The following KIF26B variants were observed in gnomAD, a reference collection of about 807,000 sequenced individuals.
The protein encoded by KIF26B is kinesin family member 26B.
Under a neutral mutation model 151.2 loss-of-function variants are expected in KIF26B, and 63 were observed. The ratio of observed to expected loss-of-function variants is 0.42; its 90% CI spans 0.34 to 0.51. The LOEUF is 0.51. KIF26B is among the 20% of genes least tolerant of loss of function. The probability of loss-of-function intolerance (pLI) is 0.07; values close to 1 mark genes in which losing one functional copy is unlikely to be tolerated. For missense variants in KIF26B, 2,813 were observed against 2,913.6 expected (o/e 0.97, Z 0.79); for synonymous variants, 1,357 against 1,262.1 (o/e 1.08, Z -1.59).
chr1:245,677,558 C>G (rs2044371553), intron 10 of KIF26B, among the ~76,000 whole-genome samples: 1 of 152,250 alleles, frequency 6.6e-6, no homozygotes, highest in Non-Finnish European at 1.5e-5. Context: ...TCAGCCCATA[C>G]CAAGCTTCTG....
chr1:245,575,940 G>A (rs12080992), intron 5 of KIF26B, among the ~76,000 whole-genome samples: 13,588 of 151,910 alleles, frequency 0.089, 710 homozygotes, highest in African/African-American at 0.13. Flanking sequence ...ATGCTTCCCG[G>A]GGGTGTTTCA....
chr1:245,169,328 G>GGTGTGTGGGTGTGTGTGTGTGT (rs56332945), intron 2 of KIF26B, among the ~76,000 whole-genome samples: 4 of 134,174 alleles, frequency 3.0e-5, no homozygotes, highest in Admixed American at 7.5e-5. Flanking sequence ...AACGGGCCAT[G>GGTGTGTGGGTGTGTGTGTGTGT]GTGTGTGTGT....
At chr1:245,643,757 T>C (rs767649742) in intron 9 of KIF26B, among the ~76,000 whole-genome samples, 12 of 152,228 alleles carry the variant, frequency 7.9e-5, no homozygotes, top group Admixed American at 3.3e-4. Flanking sequence ...TGTTTTGGAA[T>C]GATACTTTTG....
intron 2 of KIF26B, among the ~76,000 whole-genome samples, chr1:245,256,005 A>C (rs371122497): frequency 6.6e-6 from 1 of 152,156 alleles, no homozygotes; most frequent in African/African-American, 2.4e-5. Flanking sequence ...ACTTAAAGCC[A>C]CTGTAAGGAA....
chr1:245,311,730 C>T (rs902796317), intron 2 of KIF26B, among the ~76,000 whole-genome samples: 5 of 152,224 alleles, frequency 3.3e-5, no homozygotes, highest in Admixed American at 1.3e-4. Flanking sequence ...GTCAGGAGTT[C>T]GAGACCAGCC....
intron 2 of KIF26B, among the ~76,000 whole-genome samples, chr1:245,305,936 C>CAAAAAAAAAAAAAAAAAAAAAA (rs55865379): frequency 1.2e-5 from 1 of 86,704 alleles, no homozygotes. Context: ...GACGACTCCT[C>CAAAAAAAAAAAAAAAAAAAAAA]AAAAAAAAAA....
At chr1:245,276,766 G>A (rs780836118) in intron 2 of KIF26B, among the ~76,000 whole-genome samples, 2 of 152,142 alleles carry the variant, frequency 1.3e-5, no homozygotes, top group Non-Finnish European at 2.9e-5. Context: ...ACTGGTTTCC[G>A]TATTTCTCAC....
intron 5 of KIF26B, among the ~76,000 whole-genome samples, chr1:245,565,465 T>A (rs1185032425): frequency 1.3e-5 from 2 of 152,054 alleles, no homozygotes; most frequent in Non-Finnish European, 2.9e-5. Flanking sequence ...ATTTTTCCTA[T>A]TTTTAGTAGA....
intron 2 of KIF26B, among the ~76,000 whole-genome samples, chr1:245,335,821 GA>G (rs1672213641): frequency 6.9e-6 from 1 of 145,114 alleles, no homozygotes; most frequent in South Asian, 2.2e-4. Flanking sequence ...AGGGAAAGAA[GA>G]GCCCCACGCG....
At chr1:245,208,548 C>T (rs139970770) in intron 2 of KIF26B, among the ~76,000 whole-genome samples, 44 of 152,276 alleles carry the variant, frequency 2.9e-4, no homozygotes, top group African/African-American at 7.7e-4. Context: ...GCCGTGGGTA[C>T]GTGCACAGAA....
Position 245,303,428 on chromosome 1 carries a change from G to T in KIF26B, c.466-63406G>T, listed in dbSNP as rs370813737. ...TTAGCCAGGATGGTCTCGATCTCCT[G>T]ACCTCGTGATCCGCCCGCCTCGGCC... On this transcript the variant is annotated intron_variant, in intron 2 of 14. Transcript: ENST00000407071. Among the ~76,000 whole-genome samples the T allele has an allele frequency of 6.6e-3, 990 of 150,756 alleles. 22 individuals are homozygous for T. The highest frequency in any genetic ancestry group is 0.023 in the African/African-American group (911 of 40,348).
chr1:245,299,331 T>G (rs1465454378), intron 2 of KIF26B, among the ~76,000 whole-genome samples: 6 of 150,404 alleles, frequency 4.0e-5, no homozygotes, highest in Non-Finnish European at 7.4e-5. Flanking sequence ...TTTTTTTTTT[T>G]TTTTTTTTTT....
At chr1:245,334,974 G>A (rs775493831) in intron 2 of KIF26B, among the ~76,000 whole-genome samples, 8 of 152,174 alleles carry the variant, frequency 5.3e-5, no homozygotes, top group Non-Finnish European at 1.0e-4. Flanking sequence ...TAAGTTGGGC[G>A]AGAACTGGAT....
At chr1:245,608,646 A>G (rs550619953) in intron 7 of KIF26B, among the ~76,000 whole-genome samples, 1 of 152,348 alleles carries the variant, frequency 6.6e-6, no homozygotes, top group Non-Finnish European at 1.5e-5. Context: ...GAAAAAGCCC[A>G]GCCTTCCCAC....
intron 2 of KIF26B, among the ~76,000 whole-genome samples, chr1:245,354,829 C>A (rs544630837): frequency 1.3e-5 from 2 of 152,344 alleles, no homozygotes; most frequent in South Asian, 4.1e-4. Flanking sequence ...CCAGTGAGAG[C>A]AGGTGAGAAG....
intron 4 of KIF26B, among the ~76,000 whole-genome samples, chr1:245,514,686 A>T (rs1660910875): frequency 6.6e-6 from 1 of 152,086 alleles, no homozygotes; most frequent in South Asian, 2.1e-4. Flanking sequence ...TCTCCTAGAC[A>T]TTTTTTCTCG....
intron 2 of KIF26B, among the ~76,000 whole-genome samples, chr1:245,191,059 C>CAAAAA: frequency 1.9e-5 from 1 of 52,076 alleles, no homozygotes; most frequent in Admixed American, 3.6e-4. Flanking sequence ...GACTCTGTCT[C>CAAAAA]AAAAAAAAAA....
chr1:245,540,478 C>A lies in KIF26B; in HGVS notation c.1167-289C>A. 1 of 622,328 alleles carries A rather than the reference C, an allele frequency of 1.6e-6. No homozygotes were observed. 38.6% of individuals were successfully genotyped at this position (622,328 alleles called of 1,614,324 possible). A position where few individuals can be genotyped will look rare whatever the true frequency, so the allele number is the denominator to read the frequency against. ...ATCCCCAAAGATGCCCAGCTTTGTT[C>A]CTGCTTAAGCTGAATGTTGGTGGAT... On this transcript the variant is annotated intron_variant, in intron 4 of 14. Transcript: ENST00000407071. The surrounding 1 kb of genome is among the most constrained non-coding windows in gnomAD (Gnocchi z 4.6).
intron 4 of KIF26B, among the ~76,000 whole-genome samples, chr1:245,513,526 T>A (rs1301990271): frequency 6.6e-6 from 1 of 152,188 alleles, no homozygotes; most frequent in Non-Finnish European, 1.5e-5. Flanking sequence ...CTTAAACTGA[T>A]CAGTGCCTTA....
Sources: gnomAD v4.1 joint callset for allele counts (sites outside exome capture counted in the v4.1 genomes callset) on GRCh38, gnomAD v4.1.1 for gene constraint, Gnocchi (gnomAD v3.1) non-coding constraint, MANE v1.5 for transcripts, NCBI Gene and HGNC (gene_info 2026-07-23, HGNC 2026-07-21) for gene names.